Variants in EBF2 observed in about 807,000 individuals in gnomAD.
EBF2 encodes the protein EBF transcription factor 2.
A neutral mutation model predicts 72.8 loss-of-function variants in EBF2; 21 were observed. The observed-to-expected ratio is 0.29, with a 90% CI of 0.20 to 0.42. EBF2 has a LOEUF of 0.42. Ranked by LOEUF, EBF2 falls within the 10% of genes least tolerant of loss-of-function variation. EBF2 has a pLI of 1.00. For synonymous variants in EBF2, 299 were observed against 274.2 expected (o/e 1.09, Z -0.89); for missense variants, 637 against 731.2 (o/e 0.87, Z 1.49).
At chr8:26,030,673 G>T (rs1805387192) in intron 6 of EBF2, among the ~76,000 whole-genome samples, 1 of 152,070 alleles carries the variant, frequency 6.6e-6, no homozygotes, top group Non-Finnish European at 1.5e-5. Flanking sequence ...AGTACCCTTT[G>T]GTATGTATGT....
intron 10 of EBF2, among the ~76,000 whole-genome samples, chr8:25,876,742 A>T (rs1178111724): frequency 6.6e-6 from 1 of 152,218 alleles, no homozygotes; most frequent in East Asian, 1.9e-4. Context: ...ACTTTGGAAT[A>T]AGACATCTAG....
intron 10 of EBF2, among the ~76,000 whole-genome samples, chr8:25,877,406 C>G (rs1802541042): frequency 6.6e-6 from 1 of 152,228 alleles, no homozygotes; most frequent in African/African-American, 2.4e-5. Flanking sequence ...CTAATGAGCC[C>G]TGTTCTCACG....
At chr8:25,911,125 C>A (rs1238208849) in intron 6 of EBF2, among the ~76,000 whole-genome samples, 1 of 152,092 alleles carries the variant, frequency 6.6e-6, no homozygotes. Flanking sequence ...CACGGGGTAA[C>A]TTACAGGGAA....
chr8:25,999,560 G>T (rs1020449603), intron 6 of EBF2, among the ~76,000 whole-genome samples: 2 of 150,798 alleles, frequency 1.3e-5, no homozygotes, highest in Non-Finnish European at 2.9e-5. Flanking sequence ...TCTACATCTG[G>T]GTTTTTAATT....
intron 8 of EBF2, among the ~76,000 whole-genome samples, chr8:25,888,990 T>C (rs1396243586): frequency 6.6e-6 from 1 of 152,218 alleles, no homozygotes; most frequent in Non-Finnish European, 1.5e-5. Context: ...TCAATCATTT[T>C]CTTTCAGTTC....
rs140647968 is a variant in EBF2 at position 25,957,214 on chromosome 8, T to C, written c.552-48659A>G. Among the ~76,000 whole-genome samples the C allele has an allele frequency of 9.8e-5, 15 of 152,318 alleles. No homozygotes were observed. In the South Asian group the frequency reaches 2.1e-3, roughly 21 times the overall value. The stretch of plus-strand genomic sequence containing the variant: ...GCCATTTCCCCCCCAAGAGCAAATC[T>C]TTCTTTCCCACAGATAATGAAGATC... On this transcript the variant is annotated intron_variant, in intron 6 of 15. Transcript: ENST00000520164.
intron 6 of EBF2, among the ~76,000 whole-genome samples, chr8:25,960,082 G>A (rs1481368892): frequency 6.6e-6 from 1 of 152,184 alleles, no homozygotes; most frequent in South Asian, 2.1e-4. Flanking sequence ...CTAAGGAAGG[G>A]AGGAGCAGGG....
At chr8:25,996,505 C>T (rs1804634248) in intron 6 of EBF2, among the ~76,000 whole-genome samples, 1 of 151,308 alleles carries the variant, frequency 6.6e-6, no homozygotes. Flanking sequence ...AAATGATTAT[C>T]AGAAAAAAAA....
chr8:26,003,860 G>A (rs778651578), intron 6 of EBF2, among the ~76,000 whole-genome samples: 10 of 152,286 alleles, frequency 6.6e-5, no homozygotes, highest in Middle Eastern at 3.4e-3. Context: ...CTCTGGCGAA[G>A]CACCAGGAGG....
At chr8:26,017,204 A>G (rs931837832) in intron 6 of EBF2, among the ~76,000 whole-genome samples, 1 of 152,000 alleles carries the variant, frequency 6.6e-6, no homozygotes, top group South Asian at 2.1e-4. Flanking sequence ...AAGGATCACA[A>G]TTCATGTTGA....
intron 6 of EBF2, among the ~76,000 whole-genome samples, chr8:25,953,553 C>G (rs1039258951): frequency 6.6e-6 from 1 of 152,096 alleles, no homozygotes; most frequent in Non-Finnish European, 1.5e-5. Context: ...AGTCCCATAC[C>G]GCAGAGGAAA....
At chr8:26,006,314 C>G (rs902865479) in intron 6 of EBF2, among the ~76,000 whole-genome samples, 1 of 152,186 alleles carries the variant, frequency 6.6e-6, no homozygotes, top group Middle Eastern at 3.2e-3. Context: ...CAACAGAGAT[C>G]AACATGTGTT....
chr8:25,976,355 C>G (rs1585213480), intron 6 of EBF2, among the ~76,000 whole-genome samples: 1 of 152,288 alleles, frequency 6.6e-6, no homozygotes, highest in Non-Finnish European at 1.5e-5. Context: ...CACTGCTCGA[C>G]TATTAAGCTT....
At chr8:25,941,122 G>A (rs1324261842) in intron 6 of EBF2, among the ~76,000 whole-genome samples, 3 of 151,932 alleles carry the variant, frequency 2.0e-5, no homozygotes, top group Admixed American at 1.3e-4. Context: ...AGAGTGGAAG[G>A]CAACTAATGG....
At chr8:25,993,213 C>T (rs1347013551) in intron 6 of EBF2, among the ~76,000 whole-genome samples, 1 of 152,212 alleles carries the variant, frequency 6.6e-6, no homozygotes, top group Non-Finnish European at 1.5e-5. Context: ...GCTCTGTCTG[C>T]ACTGTCAACC....
chr8:25,859,927 G>A (rs1214822487), intron 13 of EBF2, among the ~76,000 whole-genome samples: 2 of 151,930 alleles, frequency 1.3e-5, no homozygotes, highest in Non-Finnish European at 2.9e-5. Context: ...ATGCTGCCCA[G>A]GCTGGTCTCA....
chr8:25,915,936 G>A (rs774789700), intron 6 of EBF2, among the ~76,000 whole-genome samples: 35 of 152,244 alleles, frequency 2.3e-4, no homozygotes, highest in Admixed American at 9.2e-4. Context: ...TTCTACAGTG[G>A]CAATGATGAT....
Position 25,854,780 on chromosome 8 carries a change from A to C in EBF2, c.1528+3539T>G, listed in dbSNP as rs115425453. Among the ~76,000 whole-genome samples, 1,325 of 152,234 alleles carry C rather than the reference A, an allele frequency of 8.7e-3. 19 individuals carry two copies. The highest frequency in any genetic ancestry group is 0.03 in the African/African-American group (1,262 of 41,540). ...TACATTCTACATTTTCTGTAATAAT[A>C]ATTTAATATTTTACAATAGAGAATG... On this transcript the variant is annotated intron_variant, in intron 14 of 15. Coordinates refer to ENST00000520164, the MANE Select transcript of EBF2 (RefSeq NM_022659.4).
chr8:26,005,545 T>TATATATA (rs1554480973), intron 6 of EBF2, among the ~76,000 whole-genome samples: 1 of 22,380 alleles, frequency 4.5e-5, no homozygotes, highest in Non-Finnish European at 8.1e-5. Flanking sequence ...ATATATTTTA[T>TATATATA]ATATATATAT....
Sources: gnomAD v4.1 joint callset for allele counts (sites outside exome capture counted in the v4.1 genomes callset) on GRCh38, gnomAD v4.1.1 for gene constraint, MANE v1.5 for transcripts, NCBI Gene and HGNC (gene_info 2026-07-23, HGNC 2026-07-21) for gene names.